The following PRR5 variants were observed in gnomAD, a reference collection of about 807,000 sequenced individuals.
The protein encoded by PRR5 is proline-rich protein 5.
PRR5 carries 25 observed loss-of-function variants against 30.6 expected under a neutral mutation model. That is an observed-to-expected ratio of 0.82 (90% CI 0.60 to 1.14). The LOEUF is 1.14. PRR5 is among the 50% of genes most tolerant of loss of function. PRR5 has a pLI of 0.00. For synonymous variants in PRR5, 286 were observed against 247.1 expected, an observed-to-expected ratio of 1.16 and a Z score of -1.48; for missense variants, 600 against 547.1, an observed-to-expected ratio of 1.10 and a Z score of -0.96.
intron 6 of PRR5, among the ~76,000 whole-genome samples, chr22:44,732,914 A>G (rs966245639): frequency 6.5e-5 from 7 of 107,450 alleles, no homozygotes; most frequent in African/African-American, 3.2e-4. Context: ...CATACACACT[A>G]CACACGTGCG....
In PRR5 at chr22:44,670,831, G is replaced by A. The variant is rs1246746949; in HGVS notation, c.-11+2026G>A. 2.0e-5 allele frequency among the ~76,000 whole-genome samples: 3 copies of A among 152,266 alleles called. No individual in the cohort carries two copies. In the East Asian group the frequency reaches 5.8e-4, roughly 29 times the overall value. On this transcript the variant is annotated intron_variant, in intron 1 of 8. Transcript: ENST00000432186. ...AAGTCAGGGGCGCAGACACCAGGAG[G>A]GGTGGGTGACGAGAAGGAAAGAGGA...
chr22:44,711,833 G>T (rs1476357611), intron 1 of PRR5, among the ~76,000 whole-genome samples: 1 of 152,166 alleles, frequency 6.6e-6, no homozygotes, highest in African/African-American at 2.4e-5. Flanking sequence ...CTGGGTGGAG[G>T]CAGCCCTGGC....
At chr22:44,675,592 G>T (rs1346027718), upstream of PRR5, among the ~76,000 whole-genome samples, 1 of 152,106 alleles carries the variant, frequency 6.6e-6, no homozygotes, top group Non-Finnish European at 1.5e-5. Context: ...GTGACCCCAG[G>T]CAGGGCTCTC....
rs1925257115 is a variant in PRR5, at chr22:44,691,732, C to G, written c.-10-10760C>G. ...GAGGCTGCAGTGAGCCGAGATTGCA[C>G]CACTGCATTCCAGCCTGCGCGACGG... On this transcript the variant is annotated intron_variant, in intron 1 of 8. Coordinates refer to the PRR5 transcript ENST00000006251. The surrounding 1 kb of genome is among the most constrained non-coding windows in gnomAD (Gnocchi z 4.4). Among the ~76,000 whole-genome samples the G allele has an allele frequency of 6.6e-6, 1 of 152,110 alleles. No individual in the cohort carries two copies.
At chr22:44,722,354 A>C (rs1369198084) in intron 2 of PRR5, among the ~76,000 whole-genome samples, 1 of 152,232 alleles carries the variant, frequency 6.6e-6, no homozygotes, top group African/African-American at 2.4e-5. Flanking sequence ...GGCCTGCCTC[A>C]GCACTGCCCA....
chr22:44,677,695 C>G (rs763212), intron 1 of PRR5, among the ~76,000 whole-genome samples: 2 of 151,992 alleles, frequency 1.3e-5, no homozygotes, highest in African/African-American at 4.8e-5. Context: ...GCTTATGCCA[C>G]GGTGAGGGGA....
intron 7 of PRR5, 41 bp downstream of exon 7, chr22:44,735,203 CA>C (rs754706143): frequency 6.3e-7 from 1 of 1,581,420 alleles, no homozygotes; most frequent in Non-Finnish European, 8.6e-7. Context: ...CAGGGGTGAC[CA>C]CGGGCCCCAT....
intron 1 of PRR5, chr22:44,679,725 A>G: frequency 7.9e-7 from 1 of 1,266,498 alleles, no homozygotes; most frequent in Non-Finnish European, 1.1e-6. Flanking sequence ...AATAATAACA[A>G]TAATAGTAAG....
chr22:44,693,108 A>C (rs1308782435), intron 1 of PRR5, among the ~76,000 whole-genome samples: 2 of 152,168 alleles, frequency 1.3e-5, no homozygotes, highest in East Asian at 3.9e-4. Context: ...GGGGAAAGGC[A>C]ACGTATTTGT....
Position 44,737,412 on chromosome 22 carries a change from C to G in PRR5, c.*165C>G. The stretch of plus-strand genomic sequence containing the variant: ...TGTATTTCTGTCTTGGTTGGAAATA[C>G]CATCAGCCTTCCTTGCTCGGCCCAG... On this transcript the variant is annotated 3_prime_UTR_variant, in exon 8 of 8. Transcript: ENST00000336985. The G allele has an allele frequency of 1.5e-6, 2 of 1,338,618 alleles. No homozygotes were observed. The highest frequency in any genetic ancestry group is 3.2e-5 in the South Asian group (2 of 62,304). 82.9% of individuals were successfully genotyped at this position (1,338,618 alleles called of 1,614,324 possible). A position where few individuals can be genotyped will look rare whatever the true frequency, so the allele number is the denominator to read the frequency against.
At chr22:44,726,148 C>T (rs904307976) in intron 3 of PRR5, among the ~76,000 whole-genome samples, 1 of 152,208 alleles carries the variant, frequency 6.6e-6, no homozygotes, top group Non-Finnish European at 1.5e-5. Context: ...TGAGACCACA[C>T]AGCGTGGTTC....
At chr22:44,732,224 G>T in intron 5 of PRR5, 27 bp from the exon 6 acceptor site, 3 of 1,607,402 alleles carry the variant, frequency 1.9e-6, no homozygotes, top group Non-Finnish European at 1.7e-6. Context: ...ACCACAGCCG[G>T]TGGGGTGGGG....
At chr22:44,682,801 C>T (rs1396237540) in intron 1 of PRR5, among the ~76,000 whole-genome samples, 1 of 152,204 alleles carries the variant, frequency 6.6e-6, no homozygotes, top group Non-Finnish European at 1.5e-5. Context: ...AATTGCCGCT[C>T]TCATTCTGCA....
chr22:44,702,891 G>T (rs1407958468), intron 1 of PRR5, among the ~76,000 whole-genome samples: 2 of 152,218 alleles, frequency 1.3e-5, no homozygotes, highest in Non-Finnish European at 2.9e-5. Flanking sequence ...GGGAAGCCGC[G>T]TGCCCGCCTC....
At position 44,702,243 on chromosome 22, in the gene PRR5, G is replaced by T; in HGVS notation, c.-232G>T. ...CCGGGTCTGTGCTGGCCGCGCGCCT[G>T]GCGCTCCACGCTGAGCCTCTCCGTG... On this transcript the variant is annotated 5_prime_UTR_variant, in exon 1 of 8. Coordinates refer to ENST00000336985, the MANE Select transcript of PRR5 (RefSeq NM_181333.4). The T allele has an allele frequency of 2.7e-6, 3 of 1,128,140 alleles. No homozygotes were observed. The highest frequency in any genetic ancestry group is 4.6e-5 in the East Asian group (1 of 21,838). 69.9% of individuals were successfully genotyped at this position (1,128,140 alleles called of 1,614,324 possible). A position where few individuals can be genotyped will look rare whatever the true frequency, so the allele number is the denominator to read the frequency against.
In PRR5 at chr22:44,731,328, GGTCTCACCTGTGAAC is replaced by G. The variant is rs1314707317; in HGVS notation, c.323-389_323-375del. The G allele has an allele frequency of 4.0e-5, 12 of 303,380 alleles. No individual in the cohort carries two copies. In the Admixed American group the frequency reaches 4.3e-4, roughly 11 times the overall value. 18.8% of individuals were successfully genotyped at this position (303,380 alleles called of 1,614,324 possible). The stretch of plus-strand genomic sequence containing the variant: ...CACCTGTGTCAGGCGTACGTGTAGG[GGTCTCACCTGTGAAC>G]GTCTCACCTGTGCCAGGTGTATACC... On this transcript the variant is annotated intron_variant, in intron 4 of 7. Transcript: ENST00000336985.
chr22:44,679,812 G>T, intron 1 of PRR5: 1 of 1,598,880 alleles, frequency 6.3e-7, no homozygotes. Context: ...GGTGTGTTTG[G>T]AACTTTCACA....
chr22:44,737,445 T>G lies in PRR5; in HGVS notation c.*198T>G. The G allele has an allele frequency of 1.7e-6, 2 of 1,190,202 alleles. No individual in the cohort carries two copies. The highest frequency in any genetic ancestry group is 2.2e-6 in the Non-Finnish European group (2 of 890,522). 73.7% of individuals were successfully genotyped at this position (1,190,202 alleles called of 1,614,324 possible). Reference sequence around the variant, plus strand: ...CTTCCTTGCTCGGCCCAGGTCTGTTTCAGGCATCTGAGTCGGCGTTTACCC... The same window carrying G: ...CTTCCTTGCTCGGCCCAGGTCTGTTGCAGGCATCTGAGTCGGCGTTTACCC... On this transcript the variant is annotated 3_prime_UTR_variant, in exon 8 of 8. Transcript: ENST00000336985.
At chr22:44,715,858 G>A (rs773028647) in intron 2 of PRR5, among the ~76,000 whole-genome samples, 66 of 152,240 alleles carry the variant, frequency 4.3e-4, no homozygotes, top group Non-Finnish European at 7.8e-4. Flanking sequence ...TCACTACCCA[G>A]GCTGGTCTCG....
Sources: allele counts gnomAD v4.1 joint callset (sites outside exome capture counted in the v4.1 genomes callset), GRCh38; gene constraint gnomAD v4.1.1; non-coding constraint Gnocchi (gnomAD v3.1); transcripts MANE v1.5; gene names NCBI Gene and HGNC (gene_info 2026-07-23, HGNC 2026-07-21).